The following RUNDC3B variants were observed in gnomAD, a reference collection of about 807,000 sequenced individuals.
The protein encoded by RUNDC3B is RUN domain containing 3B.
In RUNDC3B, 33 loss-of-function variants were observed where a neutral mutation model predicts 58.4. The ratio of observed to expected loss-of-function variants is 0.56; its 90% CI spans 0.43 to 0.75. RUNDC3B has a LOEUF of 0.75. RUNDC3B is among the 30% of genes least tolerant of loss of function. The pLI is 0.00. For synonymous variants in RUNDC3B, 193 were observed against 195.2 expected, an observed-to-expected ratio of 0.99 and a Z score of 0.10; for missense variants, 501 against 535.7, an observed-to-expected ratio of 0.94 and a Z score of 0.64.
intron 6 of RUNDC3B, among the ~76,000 whole-genome samples, chr7:87,761,199 A>G (rs1833660931): frequency 6.6e-6 from 1 of 151,982 alleles, no homozygotes; most frequent in Non-Finnish European, 1.5e-5. Flanking sequence ...AGGAAGATGT[A>G]CAGTGGCCCA....
intron 4 of RUNDC3B, among the ~76,000 whole-genome samples, chr7:87,731,448 C>G (rs1372297800): frequency 1.3e-5 from 2 of 152,062 alleles, no homozygotes; most frequent in African/African-American, 4.8e-5. Flanking sequence ...GGACTAAACT[C>G]TCCAATCAAA....
At chr7:87,742,026 C>A (rs1394569614) in intron 6 of RUNDC3B, among the ~76,000 whole-genome samples, 1 of 152,054 alleles carries the variant, frequency 6.6e-6, no homozygotes, top group Non-Finnish European at 1.5e-5. Flanking sequence ...TCTGAAAAAT[C>A]TGATGACTCT....
At position 87,800,026 on chromosome 7, in the gene RUNDC3B, A is replaced by G. The variant is rs143113443; in HGVS notation, c.957-7347A>G. ...CACTCACACTTTCAAAACTTTCCTC[A>G]TAGCCCAAGGGCTTTAAATATATTA... On this transcript the variant is annotated intron_variant, in intron 8 of 10. Transcript: ENST00000394654. 5.3e-5 allele frequency among the ~76,000 whole-genome samples: 8 copies of G among 152,298 alleles called. No individual in the cohort carries two copies. In the East Asian group the frequency reaches 9.7e-4, roughly 18 times the overall value.
At chr7:87,640,652 C>G (rs994162865) in intron 1 of RUNDC3B, among the ~76,000 whole-genome samples, 4 of 152,274 alleles carry the variant, frequency 2.6e-5, no homozygotes, top group Admixed American at 2.6e-4. Context: ...TCTCCATTAT[C>G]TTTTTACACT....
intron 1 of RUNDC3B, 148 bp downstream of exon 1, chr7:87,629,093 G>T (rs1820928485): frequency 1.5e-5 from 11 of 747,274 alleles, no homozygotes; most frequent in Non-Finnish European, 2.1e-5. Context: ...TGAGCGCGCA[G>T]CTCCTTGGAC....
At chr7:87,715,236 TTA>T (rs555303593) in intron 4 of RUNDC3B, among the ~76,000 whole-genome samples, 48 of 136,388 alleles carry the variant, frequency 3.5e-4, no homozygotes, top group Non-Finnish European at 5.4e-4. Context: ...TATAAGGACT[TTA>T]TATATATAAT....
At chr7:87,641,122 T>C (rs1000690435) in intron 1 of RUNDC3B, among the ~76,000 whole-genome samples, 2 of 152,248 alleles carry the variant, frequency 1.3e-5, no homozygotes, top group Non-Finnish European at 2.9e-5. Flanking sequence ...TTTATTAAGT[T>C]ATTTCTTTAA....
intron 2 of RUNDC3B, among the ~76,000 whole-genome samples, chr7:87,690,308 T>C (rs1175914342): frequency 6.6e-6 from 1 of 152,206 alleles, no homozygotes; most frequent in Non-Finnish European, 1.5e-5. Flanking sequence ...GTGATCTATA[T>C]TTTTATTTTA....
chr7:87,759,622 C>T lies in RUNDC3B; in HGVS notation c.630-10959C>T, dbSNP rs892025983. On this transcript the variant is annotated intron_variant, in intron 6 of 10. Coordinates refer to ENST00000394654, the MANE Select transcript of RUNDC3B (RefSeq NM_001134405.2). ...GACCAGCTTGAGTAATATAGTGAGA[C>T]TCTGTGACTACAAAAAAAATTAAAA... 1.9e-4 allele frequency among the ~76,000 whole-genome samples: 29 copies of T among 151,932 alleles called. No homozygotes were observed. The East Asian group carries it at 5.2e-3, about 27-fold the overall frequency.
chr7:87,813,837 CG>C (rs1267144107), intron 9 of RUNDC3B, among the ~76,000 whole-genome samples: 1 of 151,710 alleles, frequency 6.6e-6, no homozygotes, highest in Non-Finnish European at 1.5e-5. Context: ...AAAAAATAGC[CG>C]GGCGTGGTGG....
At chr7:87,647,437 A>T (rs974550699) in intron 1 of RUNDC3B, among the ~76,000 whole-genome samples, 2 of 152,196 alleles carry the variant, frequency 1.3e-5, no homozygotes, top group Non-Finnish European at 2.9e-5. Context: ...ATATAATCTA[A>T]TTGTCTTCTA....
intron 9 of RUNDC3B, among the ~76,000 whole-genome samples, chr7:87,812,978 C>A (rs1388116444): frequency 1.3e-5 from 2 of 152,172 alleles, no homozygotes; most frequent in Admixed American, 6.5e-5. Context: ...GAAACCAAAC[C>A]CATTCTTAGC....
At chr7:87,706,476 C>A (rs1032149330) in intron 3 of RUNDC3B, among the ~76,000 whole-genome samples, 1 of 152,046 alleles carries the variant, frequency 6.6e-6, no homozygotes, top group African/African-American at 2.4e-5. Context: ...AACAGAATAT[C>A]TTGTATCAGA....
At chr7:87,651,647 C>G (rs1823579818) in intron 2 of RUNDC3B, among the ~76,000 whole-genome samples, 4 of 152,074 alleles carry the variant, frequency 2.6e-5, no homozygotes. Flanking sequence ...TCTTTACAAT[C>G]TTAATGATAC....
chr7:87,696,365 A>G (rs1293373337), intron 2 of RUNDC3B, among the ~76,000 whole-genome samples: 2 of 152,040 alleles, frequency 1.3e-5, no homozygotes, highest in Non-Finnish European at 2.9e-5. Flanking sequence ...TTGTTTTTAA[A>G]TTTTCCTGTT....
Position 87,650,861 on chromosome 7 carries a change from G to A in RUNDC3B, c.162G>A (p.Glu54=). ...CCCTGATTGATCGGTCTTGCTTTGA[G>A]ACAATTGATGATTCTTCTCCTGAAT... ...VKTLIDRSCF[E]TIDDSSPEFN... is the part of the protein sequence containing the mutation. Residue 54 remains glutamate (E), a synonymous_variant, in exon 2 of 11, where the codon GAG becomes GAA. Coordinates refer to ENST00000394654, the MANE Select transcript of RUNDC3B (RefSeq NM_001134405.2). 6.2e-7 allele frequency: 1 copy of A among 1,612,790 alleles called. No individual in the cohort carries two copies. Among genetic ancestry groups the A allele is most frequent in the Middle Eastern group, 1.7e-4 (1 of 6,054 alleles).
chr7:87,815,167 T>C (rs1265116012), intron 9 of RUNDC3B, among the ~76,000 whole-genome samples: 1 of 152,138 alleles, frequency 6.6e-6, no homozygotes, highest in Non-Finnish European at 1.5e-5. Context: ...TCACATTTAA[T>C]ATACATATTT....
In RUNDC3B at chr7:87,742,941, G is replaced by A. The variant is rs181438860; in HGVS notation, c.629+1362G>A. ...ATCCGGGCTAACACGGTGAAACCCC[G>A]TCTCTACTAAAAATACAAAAAAATT... is the stretch of plus-strand genomic sequence containing the variant. On this transcript the variant is annotated intron_variant, in intron 6 of 10. Coordinates refer to ENST00000394654, the MANE Select transcript of RUNDC3B (RefSeq NM_001134405.2). 1.5e-3 allele frequency among the ~76,000 whole-genome samples: 221 copies of A among 151,924 alleles called. 1 individual carries two copies. The highest frequency in any genetic ancestry group is 2.1e-3 in the Non-Finnish European group (140 of 67,936).
chr7:87,762,139 T>C (rs899802434), intron 6 of RUNDC3B, among the ~76,000 whole-genome samples: 1 of 151,678 alleles, frequency 6.6e-6, no homozygotes, highest in African/African-American at 2.4e-5. Flanking sequence ...TGGGGTACTT[T>C]TTATAATTGG....
Sources: allele counts gnomAD v4.1 joint callset (sites outside exome capture counted in the v4.1 genomes callset), GRCh38; gene constraint gnomAD v4.1.1; transcripts MANE v1.5; gene names NCBI Gene and HGNC (gene_info 2026-07-23, HGNC 2026-07-21).